Variants in NAV1 observed in about 807,000 individuals in gnomAD.
NAV1 encodes the protein pore membrane and/or filament interacting like protein 3.
Under a neutral mutation model 175.2 loss-of-function variants are expected in NAV1, and 18 were observed. The ratio of observed to expected loss-of-function variants is 0.10; its 90% CI spans 0.07 to 0.15. NAV1 has a LOEUF of 0.15. NAV1 is among the 10% of genes least tolerant of loss of function. The pLI is 1.00. For synonymous variants in NAV1, 897 were observed against 978.7 expected, an observed-to-expected ratio of 0.92 and a Z score of 1.56; for missense variants, 1,731 against 2,436.6, an observed-to-expected ratio of 0.71 and a Z score of 6.10.
chr1:201,768,750 T>C (rs144799895), intron 3 of NAV1, among the ~76,000 whole-genome samples: 459 of 152,106 alleles, frequency 3.0e-3, no homozygotes, highest in African/African-American at 0.01. Context: ...TGTTGAATCA[T>C]ATGAAAGTGC....
At chr1:201,771,098 A>G (rs928913470) in intron 3 of NAV1, among the ~76,000 whole-genome samples, 2 of 152,106 alleles carry the variant, frequency 1.3e-5, no homozygotes, top group African/African-American at 2.4e-5. Context: ...GGGACTCACT[A>G]TGATCAGATC....
chr1:201,621,332 C>CTTT (rs11422175), upstream of NAV1, among the ~76,000 whole-genome samples: 25 of 118,912 alleles, frequency 2.1e-4, no homozygotes, highest in East Asian at 5.5e-4. Context: ...TCTTTTCTTT[C>CTTT]TTTTTTTTTT....
chr1:201,641,847 A>G (rs532936890), intron 2 of NAV1, among the ~76,000 whole-genome samples: 1 of 152,234 alleles, frequency 6.6e-6, no homozygotes, highest in African/African-American at 2.4e-5. Context: ...GGAGGAAGCC[A>G]AGTATGGGCT....
chr1:201,676,500 G>A (rs532304), intron 1 of NAV1, among the ~76,000 whole-genome samples: 1 of 152,166 alleles, frequency 6.6e-6, no homozygotes, highest in East Asian at 1.9e-4. Flanking sequence ...GGAGGAGTCA[G>A]GGAGCCTCAG....
At chr1:201,655,183 C>G (rs114840320) in intron 1 of NAV1, among the ~76,000 whole-genome samples, 2,815 of 152,278 alleles carry the variant, frequency 0.018, 82 homozygotes, top group African/African-American at 0.064. Context: ...GTCTGCATCT[C>G]AGAGTGGCTC....
intron 2 of NAV1, among the ~76,000 whole-genome samples, chr1:201,606,464 C>CCA (rs1457756488): frequency 6.6e-6 from 1 of 152,200 alleles, no homozygotes. Flanking sequence ...TGTCCTAAGG[C>CCA]CACGGGTCAT....
At chr1:201,816,058 C>T (rs1391974825) in intron 28 of NAV1, among the ~76,000 whole-genome samples, 1 of 151,356 alleles carries the variant, frequency 6.6e-6, no homozygotes, top group Non-Finnish European at 1.5e-5. Flanking sequence ...TTTAAGTGTT[C>T]TCACCACACA....
At chr1:201,627,760 C>T (rs570340907) in intron 1 of NAV1, among the ~76,000 whole-genome samples, 6 of 152,080 alleles carry the variant, frequency 3.9e-5, no homozygotes, top group African/African-American at 1.4e-4. Context: ...TTCAAAATCC[C>T]AGGTCCATTC....
At chr1:201,796,022 T>C (rs1365761510) in intron 15 of NAV1, 1 of 152,238 alleles carries the variant, frequency 6.6e-6, no homozygotes, top group African/African-American at 2.4e-5. Context: ...TGTGGCTGAA[T>C]AATATTCCAT....
At chr1:201,640,956 G>A (rs1167183848) in intron 2 of NAV1, among the ~76,000 whole-genome samples, 5 of 152,228 alleles carry the variant, frequency 3.3e-5, no homozygotes, top group Non-Finnish European at 7.3e-5. Context: ...AATGACGAAT[G>A]ACAGCCCTGA....
intron 1 of NAV1, among the ~76,000 whole-genome samples, chr1:201,563,138 C>T (rs770680865): frequency 7.2e-5 from 11 of 152,122 alleles, no homozygotes; most frequent in African/African-American, 2.4e-4. Flanking sequence ...AAGAGGTGAC[C>T]GGATCGTCAG....
At chr1:201,713,040 G>A (rs907953105) in intron 2 of NAV1, 121 bp downstream of exon 6, 22 of 670,584 alleles carry the variant, frequency 3.3e-5, no homozygotes, top group Non-Finnish European at 5.7e-5. Flanking sequence ...GGCCTGATGC[G>A]TGGAGCCACT....
At chr1:201,673,818 C>T (rs955079276) in intron 1 of NAV1, 3 of 152,196 alleles carry the variant, frequency 2.0e-5, no homozygotes, top group Admixed American at 6.5e-5. Context: ...TAAACTGAGT[C>T]TATAAATACC....
In NAV1 at chr1:201,656,421, G is replaced by C. The variant is rs149002620; in HGVS notation, c.757+6996G>C. ...TTGTGGTCAAGGTTATCCAGTTGAGGTGTTGCTGTTGGGTGTGGTCTGGTC... is the reference window on the plus strand; with the variant it reads ...TTGTGGTCAAGGTTATCCAGTTGAGCTGTTGCTGTTGGGTGTGGTCTGGTC... On this transcript the variant is annotated intron_variant, in intron 1 of 29. Coordinates refer to ENST00000367296, the Ensembl canonical transcript of NAV1. 2.1e-3 allele frequency among the ~76,000 whole-genome samples: 315 copies of C among 152,332 alleles called. 1 individual carries two copies. Among genetic ancestry groups the C allele is most frequent in the African/African-American group, 6.6e-3 (274 of 41,568 alleles).
At chr1:201,705,334 A>G (rs139046769) in intron 1 of NAV1, among the ~76,000 whole-genome samples, 33 of 152,296 alleles carry the variant, frequency 2.2e-4, no homozygotes, top group African/African-American at 7.2e-4. Flanking sequence ...ATTTGCTTCT[A>G]TTTCCTAGTT....
intron 2 of NAV1, among the ~76,000 whole-genome samples, chr1:201,642,274 G>A (rs1471380410): frequency 2.9e-4 from 43 of 149,246 alleles, no homozygotes; most frequent in Middle Eastern, 3.5e-3. Flanking sequence ...GTGCAGTGGC[G>A]CGATCTCGGC....
intron 1 of NAV1, among the ~76,000 whole-genome samples, chr1:201,699,010 A>G (rs1038326642): frequency 1.2e-4 from 19 of 152,154 alleles, no homozygotes; most frequent in Non-Finnish European, 1.0e-4. Flanking sequence ...ACTTTATAGA[A>G]GAAGAGCCAG....
chr1:201,768,350 G>C (rs1472124274), intron 3 of NAV1, among the ~76,000 whole-genome samples: 5 of 85,986 alleles, frequency 5.8e-5, no homozygotes, highest in African/African-American at 2.0e-4. Context: ...AAAAAAAAAA[G>C]AGTAAGTACA....
At chr1:201,801,499 A>C (rs930444870) in intron 15 of NAV1, among the ~76,000 whole-genome samples, 3 of 151,940 alleles carry the variant, frequency 2.0e-5, no homozygotes, top group African/African-American at 7.3e-5. Context: ...ATATTTTTTT[A>C]AATAGAGATG....
Sources: gnomAD v4.1 joint callset for allele counts (sites outside exome capture counted in the v4.1 genomes callset) on GRCh38, gnomAD v4.1.1 for gene constraint, MANE v1.5 for transcripts, NCBI Gene and HGNC (gene_info 2026-07-23, HGNC 2026-07-21) for gene names.